CADM2: variants seen among roughly 807,000 people sequenced by gnomAD.
CADM2 encodes cell adhesion molecule 2.
Under a neutral mutation model 49.8 loss-of-function variants are expected in CADM2, and 12 were observed. The observed-to-expected ratio is 0.24, with a 90% CI of 0.15 to 0.39. The LOEUF (loss-of-function observed/expected upper bound fraction) is 0.39, where lower values mean the gene tolerates loss of function less well. Among genes scored for constraint, CADM2 ranks in the 10% least tolerant of loss-of-function variants. The pLI is 1.00. For synonymous variants in CADM2, 214 were observed against 175.4 expected, an observed-to-expected ratio of 1.22 and a Z score of -1.74; for missense variants, 378 against 492.3, an observed-to-expected ratio of 0.77 and a Z score of 2.20.
At chr3:85,848,159 G>C (rs1336704559) in intron 3 of CADM2, among the ~76,000 whole-genome samples, 2 of 152,028 alleles carry the variant, frequency 1.3e-5, no homozygotes, top group Non-Finnish European at 2.9e-5. Flanking sequence ...GGGGGAGTTA[G>C]TAAAAACTGA....
chr3:85,863,216 A>G (rs907798691), intron 3 of CADM2, among the ~76,000 whole-genome samples: 2 of 152,156 alleles, frequency 1.3e-5, no homozygotes, highest in Non-Finnish European at 2.9e-5. Context: ...TTTAACTCAC[A>G]TGTGGTCTTT....
At chr3:85,398,908 T>C (rs1050534384) in intron 1 of CADM2, among the ~76,000 whole-genome samples, 3 of 152,192 alleles carry the variant, frequency 2.0e-5, no homozygotes, top group African/African-American at 7.2e-5. Flanking sequence ...AGTAGCCCTT[T>C]GTCAGATGAG....
chr3:85,307,801 A>G (rs1378394186), intron 1 of CADM2, among the ~76,000 whole-genome samples: 4 of 151,738 alleles, frequency 2.6e-5, no homozygotes, highest in Non-Finnish European at 5.9e-5. Context: ...GCTCAAATGA[A>G]CTATTTTTAA....
intron 3 of CADM2, among the ~76,000 whole-genome samples, chr3:85,869,762 C>G (rs1178350623): frequency 6.6e-6 from 1 of 152,056 alleles, no homozygotes; most frequent in East Asian, 1.9e-4. Context: ...GGGTTCACGC[C>G]ATTCTCTTCC....
intron 1 of CADM2, among the ~76,000 whole-genome samples, chr3:84,986,076 G>C (rs2032531891): frequency 6.6e-6 from 1 of 152,102 alleles, no homozygotes; most frequent in Non-Finnish European, 1.5e-5. Context: ...TAAATAAAAA[G>C]TCATCAAGAC....
At chr3:85,654,341 A>C (rs1277293485) in intron 1 of CADM2, among the ~76,000 whole-genome samples, 3 of 152,200 alleles carry the variant, frequency 2.0e-5, no homozygotes, top group Non-Finnish European at 2.9e-5. Flanking sequence ...AGTAGGGAAG[A>C]GGGGATGGGA....
In CADM2 at chr3:85,319,132, A is replaced by G. The variant is rs551952059; in HGVS notation, c.61+359464A>G. On this transcript the variant is annotated intron_variant, in intron 1 of 9. Transcript: ENST00000383699. ...AACATGATATAAGGTCAGATTTTGTATTAGAAGTTCTGATAATAAATCAAT... is the reference window on the plus strand; with the variant it reads ...AACATGATATAAGGTCAGATTTTGTGTTAGAAGTTCTGATAATAAATCAAT... Among the ~76,000 whole-genome samples the G allele has an allele frequency of 3.9e-5, 6 of 152,324 alleles. No homozygotes were observed. In the East Asian group the frequency reaches 5.8e-4, roughly 15 times the overall value.
At chr3:85,356,252 C>T (rs2031848282) in intron 1 of CADM2, among the ~76,000 whole-genome samples, 1 of 151,860 alleles carries the variant, frequency 6.6e-6, no homozygotes, top group Non-Finnish European at 1.5e-5. Context: ...TTCTGTATGA[C>T]TAGTTGCATT....
At chr3:85,257,524 C>T (rs1015174798) in intron 1 of CADM2, among the ~76,000 whole-genome samples, 1 of 152,072 alleles carries the variant, frequency 6.6e-6, no homozygotes, top group Admixed American at 6.6e-5. Context: ...ATCTATCCCT[C>T]TTTTGCCTAT....
At chr3:85,962,915 G>A (rs961462744) in intron 8 of CADM2, among the ~76,000 whole-genome samples, 3 of 151,808 alleles carry the variant, frequency 2.0e-5, no homozygotes, top group African/African-American at 7.3e-5. Context: ...TCTTTCCCTT[G>A]AATGCATTTA....
chr3:85,081,488 G>T (rs2107500919), intron 1 of CADM2, among the ~76,000 whole-genome samples: 1 of 152,198 alleles, frequency 6.6e-6, no homozygotes, highest in African/African-American at 2.4e-5. Context: ...ATAAACTTTG[G>T]CCTGGTTATT....
chr3:86,047,501 G>A, intron 8 of CADM2, among the ~76,000 whole-genome samples: 1 of 152,136 alleles, frequency 6.6e-6, no homozygotes, highest in East Asian at 1.9e-4. Context: ...AACTGATTTA[G>A]TCATGACCCT....
intron 1 of CADM2, among the ~76,000 whole-genome samples, chr3:85,478,838 C>G (rs1231285139): frequency 6.6e-6 from 1 of 151,926 alleles, no homozygotes; most frequent in Non-Finnish European, 1.5e-5. Flanking sequence ...ATTACTGAAG[C>G]TATGAAACAC....
At chr3:85,431,437 GATA>G (rs1243967353) in intron 1 of CADM2, among the ~76,000 whole-genome samples, 1 of 152,032 alleles carries the variant, frequency 6.6e-6, no homozygotes, top group Non-Finnish European at 1.5e-5. Context: ...GCAAAATTAG[GATA>G]ATAACACCTA....
At chr3:85,272,251 G>T (rs2043259569) in intron 1 of CADM2, among the ~76,000 whole-genome samples, 1 of 151,208 alleles carries the variant, frequency 6.6e-6, no homozygotes, top group African/African-American at 2.4e-5. Context: ...CTCATTTTAA[G>T]AGAAAATGTT....
At chr3:85,283,349 A>G (rs1307588050) in intron 1 of CADM2, among the ~76,000 whole-genome samples, 1 of 151,702 alleles carries the variant, frequency 6.6e-6, no homozygotes, top group African/African-American at 2.4e-5. Flanking sequence ...TATTATTCTC[A>G]TTAATACTCT....
intron 6 of CADM2, among the ~76,000 whole-genome samples, chr3:85,913,538 C>T (rs573377376): frequency 2.6e-5 from 4 of 152,018 alleles, no homozygotes; most frequent in African/African-American, 9.6e-5. Context: ...TTTATTTATT[C>T]AACAATAATT....
chr3:85,381,628 A>G (rs1382731698), intron 1 of CADM2, among the ~76,000 whole-genome samples: 2 of 151,338 alleles, frequency 1.3e-5, no homozygotes, highest in Non-Finnish European at 2.9e-5. Flanking sequence ...CATTTTGCCA[A>G]AAGTTTTCTT....
intron 1 of CADM2, among the ~76,000 whole-genome samples, chr3:85,545,840 A>T (rs912285394): frequency 6.6e-6 from 1 of 152,146 alleles, no homozygotes; most frequent in African/African-American, 2.4e-5. Context: ...GTCAGGTTGG[A>T]TGAAGAAGAA....
Sources: gnomAD v4.1 joint callset for allele counts (sites outside exome capture counted in the v4.1 genomes callset) on GRCh38, gnomAD v4.1.1 for gene constraint, MANE v1.5 for transcripts, NCBI Gene and HGNC (gene_info 2026-07-23, HGNC 2026-07-21) for gene names.